NSG2: variants seen among roughly 807,000 people sequenced by gnomAD.
The protein encoded by NSG2 is neuronal vesicle trafficking associated 2.
NSG2 carries 4 observed loss-of-function variants against 16.9 expected under a neutral mutation model. That is an observed-to-expected ratio of 0.24 (90% CI 0.12 to 0.54). NSG2 has a LOEUF of 0.54. Ranked by LOEUF, NSG2 falls within the 20% of genes least tolerant of loss-of-function variation. The probability of loss-of-function intolerance (pLI) is 0.95; values close to 1 mark genes in which losing one functional copy is unlikely to be tolerated. For synonymous variants in NSG2, 98 were observed against 88.7 expected (o/e 1.11, Z -0.59); for missense variants, 179 against 221.1 (o/e 0.81, Z 1.21).
intron 2 of NSG2, among the ~76,000 whole-genome samples, chr5:174,055,587 G>A (rs1377475143): frequency 2.0e-5 from 3 of 152,078 alleles, no homozygotes; most frequent in East Asian, 3.9e-4. Context: ...GCGACAGAGC[G>A]AGACTCTGTC....
intron 3 of NSG2, among the ~76,000 whole-genome samples, chr5:174,090,333 C>T (rs926191862): frequency 7.9e-5 from 12 of 152,318 alleles, no homozygotes; most frequent in East Asian, 5.8e-4. Flanking sequence ...GCTTCATTCC[C>T]GCAGCAGTTT....
At chr5:174,065,883 A>G (rs1256682548) in intron 3 of NSG2, among the ~76,000 whole-genome samples, 1 of 152,234 alleles carries the variant, frequency 6.6e-6, no homozygotes, top group Non-Finnish European at 1.5e-5. Flanking sequence ...ACGATGAAGT[A>G]CAAAGTACCT....
intron 3 of NSG2, among the ~76,000 whole-genome samples, chr5:174,103,064 C>T (rs1018691531): frequency 4.7e-5 from 7 of 150,162 alleles, no homozygotes; most frequent in African/African-American, 1.7e-4. Flanking sequence ...GCTGAGATTA[C>T]AGGTGTGAGC....
chr5:174,097,499 C>G (rs565716473), intron 3 of NSG2, among the ~76,000 whole-genome samples: 1 of 148,636 alleles, frequency 6.7e-6, no homozygotes, highest in African/African-American at 2.5e-5. Context: ...GTGTGTGTGT[C>G]TTTCTCAGTG....
chr5:174,050,086 C>G (rs1479416396), intron 2 of NSG2, among the ~76,000 whole-genome samples: 1 of 152,158 alleles, frequency 6.6e-6, no homozygotes, highest in African/African-American at 2.4e-5. Context: ...TTTTGGGACT[C>G]ACTCACAGGA....
At chr5:174,060,172 C>T (rs1264032752) in intron 2 of NSG2, among the ~76,000 whole-genome samples, 1 of 152,040 alleles carries the variant, frequency 6.6e-6, no homozygotes, top group Non-Finnish European at 1.5e-5. Flanking sequence ...AATGATATTG[C>T]CTGTAATGAT....
At chr5:174,080,638 T>A (rs992034604) in intron 3 of NSG2, among the ~76,000 whole-genome samples, 8 of 151,906 alleles carry the variant, frequency 5.3e-5, no homozygotes, top group African/African-American at 1.9e-4. Flanking sequence ...CTTGGCTCAC[T>A]GCAACCTCCA....
chr5:174,084,374 C>T (rs138790056), intron 3 of NSG2, among the ~76,000 whole-genome samples: 12 of 152,300 alleles, frequency 7.9e-5, no homozygotes, highest in African/African-American at 2.9e-4. Flanking sequence ...GTTTATCAAG[C>T]ACCTACTGCA....
chr5:174,054,897 C>T (rs1305762547), intron 2 of NSG2, among the ~76,000 whole-genome samples: 1 of 152,218 alleles, frequency 6.6e-6, no homozygotes, highest in East Asian at 1.9e-4. Context: ...CTTTGACCCT[C>T]TGTTTCCTCA....
chr5:174,080,333 A>G (rs1760427109), intron 3 of NSG2, among the ~76,000 whole-genome samples: 1 of 149,188 alleles, frequency 6.7e-6, no homozygotes, highest in Non-Finnish European at 1.5e-5. Context: ...GTTATATATA[A>G]CCCTATATAT....
In NSG2 at chr5:174,090,620, G is replaced by A. The variant is rs112971186; in HGVS notation, c.214-13608G>A. Among the ~76,000 whole-genome samples the A allele has an allele frequency of 8.6e-3, 1,316 of 152,304 alleles. 18 individuals are homozygous for A. Among genetic ancestry groups the A allele is most frequent in the African/African-American group, 0.03 (1,251 of 41,566 alleles). ...GACCTTTCCAGGGGTACCAATCTCAGGCTGGCTGTGTGAACTGTTTTGTGT... is the reference window on the plus strand; with the variant it reads ...GACCTTTCCAGGGGTACCAATCTCAAGCTGGCTGTGTGAACTGTTTTGTGT... On this transcript the variant is annotated intron_variant, in intron 3 of 4. Transcript: ENST00000303177.
chr5:174,077,192 A>G (rs746895103), intron 3 of NSG2, among the ~76,000 whole-genome samples: 1 of 152,162 alleles, frequency 6.6e-6, no homozygotes, highest in Non-Finnish European at 1.5e-5. Flanking sequence ...TTAGGTCTAT[A>G]AATAGCTTTA....
chr5:174,046,635 T>G (rs1759804073), intron 1 of NSG2, 99 bp from the exon 2 acceptor site: 1 of 1,017,028 alleles, frequency 9.8e-7, no homozygotes, highest in Non-Finnish European at 1.5e-6. Context: ...TGAAAGCCAC[T>G]TGAGTGGAGC....
At chr5:174,077,744 T>C (rs1162402113) in intron 3 of NSG2, among the ~76,000 whole-genome samples, 2 of 152,104 alleles carry the variant, frequency 1.3e-5, no homozygotes, top group Non-Finnish European at 1.5e-5. Context: ...TTTCCTTTCC[T>C]GCGTTTTTCT....
At chr5:174,066,611 A>G (rs1760143444) in intron 3 of NSG2, among the ~76,000 whole-genome samples, 2 of 152,138 alleles carry the variant, frequency 1.3e-5, no homozygotes, top group Admixed American at 6.5e-5. Flanking sequence ...TTACTTCTCT[A>G]TGCTTTCCAA....
intron 3 of NSG2, among the ~76,000 whole-genome samples, chr5:174,074,505 C>T (rs1760302206): frequency 6.6e-6 from 1 of 152,060 alleles, no homozygotes; most frequent in Non-Finnish European, 1.5e-5. Flanking sequence ...GTGCCAGCTC[C>T]CAGCTCTCCA....
At chr5:174,079,215 T>C (rs1051024710) in intron 3 of NSG2, among the ~76,000 whole-genome samples, 1 of 151,552 alleles carries the variant, frequency 6.6e-6, no homozygotes. Context: ...AAATGGCCCT[T>C]CCTCTTGAAG....
intron 3 of NSG2, among the ~76,000 whole-genome samples, chr5:174,093,007 G>A (rs778678052): frequency 2.6e-5 from 4 of 152,132 alleles, no homozygotes; most frequent in Non-Finnish European, 5.9e-5. Context: ...TATAATAATG[G>A]TGCAATATAT....
At position 174,046,839 on chromosome 5, in the gene NSG2, C is replaced by T. The variant is rs1020145142; in HGVS notation, c.84C>T (p.Ile28=). 1.2e-6 allele frequency: 2 copies of T among 1,614,054 alleles called. No individual in the cohort carries two copies. Among genetic ancestry groups the T allele is most frequent in the African/African-American group, 2.7e-5 (2 of 74,904 alleles). ...ATGGCTTCCAGACCGTCCCTCTCAT[C>T]ACTCCCTTGGAGGTTAATCACTTAC... ...VEDGFQTVPL[I]TPLEVNHLQL... is the part of the protein sequence containing the mutation. Residue 28 remains isoleucine, a synonymous_variant, in exon 2 of 5, where the codon ATC becomes ATT. Coordinates refer to ENST00000303177, the MANE Select transcript of NSG2 (RefSeq NM_015980.5).
Sources: gnomAD v4.1 joint callset for allele counts (sites outside exome capture counted in the v4.1 genomes callset) on GRCh38, gnomAD v4.1.1 for gene constraint, MANE v1.5 for transcripts, NCBI Gene and HGNC (gene_info 2026-07-23, HGNC 2026-07-21) for gene names.